Variants in MTSS1 observed in about 807,000 individuals in gnomAD.
MTSS1 encodes the protein protein MTSS 1.
MTSS1 carries 18 observed loss-of-function variants against 79.0 expected under a neutral mutation model. The observed-to-expected ratio is 0.23, with a 90% CI of 0.16 to 0.34. MTSS1 has a LOEUF of 0.34. Among genes scored for constraint, MTSS1 ranks in the 10% least tolerant of loss-of-function variants. The pLI is 1.00. For synonymous variants in MTSS1, 341 were observed against 368.6 expected, an observed-to-expected ratio of 0.93 and a Z score of 0.86; for missense variants, 815 against 986.2, an observed-to-expected ratio of 0.83 and a Z score of 2.33.
At chr8:124,564,311 C>T (rs1328411134) in intron 9 of MTSS1, among the ~76,000 whole-genome samples, 1 of 152,060 alleles carries the variant, frequency 6.6e-6, no homozygotes, top group Non-Finnish European at 1.5e-5. Context: ...GGTTTCTGCT[C>T]CTAAGCCTGC....
chr8:124,711,896 TACTC>T (rs1332416125), intron 1 of MTSS1, among the ~76,000 whole-genome samples: 2 of 150,880 alleles, frequency 1.3e-5, no homozygotes, highest in Non-Finnish European at 2.9e-5. Context: ...CAATCCCAGT[TACTC>T]AGGAGGCTAA....
intron 1 of MTSS1, among the ~76,000 whole-genome samples, chr8:124,723,131 C>A (rs368436731): frequency 1.2e-4 from 18 of 152,154 alleles, no homozygotes; most frequent in African/African-American, 3.9e-4. Flanking sequence ...GGCAAGAGGT[C>A]AGCAACTGAG....
chr8:124,572,680 C>G (rs541923206), intron 6 of MTSS1, among the ~76,000 whole-genome samples: 3 of 152,048 alleles, frequency 2.0e-5, no homozygotes, highest in Non-Finnish European at 4.4e-5. Context: ...AATGTCTCAC[C>G]CCAGACTGCA....
intron 3 of MTSS1, among the ~76,000 whole-genome samples, chr8:124,619,886 TGGTTTTCAGCCA>T (rs972680365): frequency 9.2e-5 from 14 of 151,636 alleles, no homozygotes; most frequent in Non-Finnish European, 1.2e-4. Flanking sequence ...GCGGCAGGCC[TGGTTTTCAGCCA>T]GGCAATAACA....
chr8:124,690,379 T>C (rs1011007005), intron 3 of MTSS1, among the ~76,000 whole-genome samples: 1 of 152,214 alleles, frequency 6.6e-6, no homozygotes, highest in Non-Finnish European at 1.5e-5. Flanking sequence ...GGGTGTGGAA[T>C]TCTGATATCC....
chr8:124,589,323 G>A lies in MTSS1; in HGVS notation c.385+297C>T, dbSNP rs4007924. On this transcript the variant is annotated intron_variant, in intron 5 of 13. Coordinates refer to ENST00000518547, the MANE Select transcript of MTSS1 (RefSeq NM_014751.6). The stretch of plus-strand genomic sequence containing the variant: ...CGGGATTACAGGTCTGAGCCACCGC[G>A]CCCACCCTGTGATTTATTCTTAATT... Among the ~76,000 whole-genome samples the A allele has an allele frequency of 6.1e-3, 923 of 152,240 alleles. 37 individuals carry two copies. Among genetic ancestry groups the A allele is most frequent in the Admixed American group, 0.051 (787 of 15,294 alleles).
chr8:124,681,187 C>T lies in MTSS1; in HGVS notation c.208+18339G>A, dbSNP rs1030241697. Among the ~76,000 whole-genome samples, 8 of 147,838 alleles carry T rather than the reference C, an allele frequency of 5.4e-5. No homozygotes were observed. The East Asian group carries it at 5.9e-4, about 11-fold the overall frequency. ...TGTGTCTATGGAGTCAAAAACAACACAGAGAAGCTGTGACATTTAAAAAAA... is the reference window on the plus strand; with the variant it reads ...TGTGTCTATGGAGTCAAAAACAACATAGAGAAGCTGTGACATTTAAAAAAA... On this transcript the variant is annotated intron_variant, in intron 3 of 13. Coordinates refer to ENST00000518547, the MANE Select transcript of MTSS1 (RefSeq NM_014751.6).
chr8:124,600,832 G>A (rs1833658957), intron 3 of MTSS1, among the ~76,000 whole-genome samples: 1 of 152,186 alleles, frequency 6.6e-6, no homozygotes, highest in African/African-American at 2.4e-5. Context: ...GGCCTAGAAG[G>A]AGCGGCCCAG....
At chr8:124,564,687 T>TCACCCACACACACACACACACACACA (rs372411002) in intron 9 of MTSS1, 1 of 47,352 alleles carries the variant, frequency 2.1e-5, no homozygotes, top group Admixed American at 1.8e-4. Flanking sequence ...GGTCTCTCTT[T>TCACCCACACACACACACACACACACA]CACTCACACA....
At chr8:124,672,304 C>T (rs1824372073) in intron 3 of MTSS1, among the ~76,000 whole-genome samples, 1 of 151,830 alleles carries the variant, frequency 6.6e-6, no homozygotes, top group Non-Finnish European at 1.5e-5. Context: ...GACCAGCCTG[C>T]CCAACATTGT....
intron 3 of MTSS1, among the ~76,000 whole-genome samples, chr8:124,680,731 T>C (rs1312441731): frequency 6.6e-6 from 1 of 152,214 alleles, no homozygotes; most frequent in Non-Finnish European, 1.5e-5. Context: ...CTATTACATG[T>C]GTCAGAGAAC....
intron 1 of MTSS1, among the ~76,000 whole-genome samples, chr8:124,717,432 G>GT (rs1832222781): frequency 1.3e-5 from 2 of 151,902 alleles, no homozygotes; most frequent in African/African-American, 2.4e-5. Flanking sequence ...GGAGGCAGAG[G>GT]TGGCAGCGAG....
intron 7 of MTSS1, chr8:124,567,840 G>A: frequency 6.7e-7 from 1 of 1,492,546 alleles, no homozygotes; most frequent in Non-Finnish European, 8.9e-7. Context: ...CTTCGAATCA[G>A]CTTCCAGAAC....
chr8:124,555,828 C>T lies in MTSS1; in HGVS notation c.1481G>A (p.Ser494Asn). 2 of 1,613,560 alleles carry T rather than the reference C, an allele frequency of 1.2e-6. No individual in the cohort carries two copies. Among genetic ancestry groups the T allele is most frequent in the Non-Finnish European group, 1.7e-6 (2 of 1,179,954 alleles). ...GGAGCACTGAAGCGAGTCCCGGCTG[C>T]TCCTCTGGGTGTCCAGCTGCAGGCC... ...SRGLQLDTQR[S>N]SRDSLQCSSG... is the part of the protein sequence containing the mutation. The change falls in exon 13 of 14, where the codon AGC (serine) becomes AAC (asparagine). Residue 494 changes from serine to asparagine, a missense_variant. By Grantham distance (46) the Ser-to-Asn change is conservative. This residue lies in a region of MTSS1 where 590 missense variants were observed against 620.8 expected (regional missense o/e 0.95). Coordinates refer to ENST00000518547, the MANE Select transcript of MTSS1 (RefSeq NM_014751.6).
chr8:124,556,431 G>C (rs755705849), intron 11 of MTSS1, 26 bp from the exon 12 acceptor site: 2 of 1,583,876 alleles, frequency 1.3e-6, no homozygotes, highest in Admixed American at 3.5e-5. Context: ...GCGGTCAGGA[G>C]CCAGGGCCTC....
rs900469108 is a variant in MTSS1 at position 124,683,004 on chromosome 8, C to T, written c.208+16522G>A. On this transcript the variant is annotated intron_variant, in intron 3 of 13. Coordinates refer to ENST00000518547, the MANE Select transcript of MTSS1 (RefSeq NM_014751.6). The surrounding 1 kb of genome is among the most constrained non-coding windows in gnomAD (Gnocchi z 4.5). ...CAAATGGTCATCCCAGCCCTTCCTT[C>T]CCCAGTCTATGACCTTTTCAGACCA... Among the ~76,000 whole-genome samples, 2 of 152,154 alleles carry T rather than the reference C, an allele frequency of 1.3e-5. No individual in the cohort carries two copies. The highest frequency in any genetic ancestry group is 4.8e-5 in the African/African-American group (2 of 41,434).
At chr8:124,669,858 G>A (rs1246059721) in intron 3 of MTSS1, among the ~76,000 whole-genome samples, 1 of 152,158 alleles carries the variant, frequency 6.6e-6, no homozygotes, top group African/African-American at 2.4e-5. Flanking sequence ...TGGTACGCGC[G>A]TCTTGCTCCT....
intron 12 of MTSS1, 62 bp downstream of exon 12, chr8:124,556,170 A>C (rs1049178471): frequency 6.2e-7 from 1 of 1,610,356 alleles, no homozygotes; most frequent in Non-Finnish European, 8.5e-7. Context: ...GTTGCTGGCC[A>C]GAATGTGATC....
intron 3 of MTSS1, among the ~76,000 whole-genome samples, chr8:124,670,316 A>G (rs566429829): frequency 2.6e-5 from 4 of 152,200 alleles, no homozygotes; most frequent in African/African-American, 7.2e-5. Flanking sequence ...AATTTGGCCA[A>G]TATGGTTGAA....
Sources: allele counts gnomAD v4.1 joint callset (sites outside exome capture counted in the v4.1 genomes callset), GRCh38; gene constraint gnomAD v4.1.1; regional missense constraint gnomAD v4.1.1; non-coding constraint Gnocchi (gnomAD v3.1); transcripts MANE v1.5; gene names NCBI Gene and HGNC (gene_info 2026-07-23, HGNC 2026-07-21).